Variants in ST6GALNAC4 observed in about 807,000 individuals in gnomAD.
ST6GALNAC4 encodes the protein ST6 N-acetylgalactosaminide alpha-2,6-sialyltransferase 4.
Under a neutral mutation model 30.4 loss-of-function variants are expected in ST6GALNAC4, and 24 were observed. The ratio of observed to expected loss-of-function variants is 0.79; its 90% CI spans 0.57 to 1.11. The LOEUF (loss-of-function observed/expected upper bound fraction) is 1.11. Ranked by LOEUF, ST6GALNAC4 falls within the 50% of genes most tolerant of loss-of-function variation. ST6GALNAC4 has a pLI of 0.00. For synonymous variants in ST6GALNAC4, 156 were observed against 179.7 expected (o/e 0.87, Z 1.05); for missense variants, 365 against 430.1 (o/e 0.85, Z 1.34).
intron 4 of ST6GALNAC4, chr9:127,910,382 G>A: frequency 1.8e-6 from 2 of 1,113,024 alleles, no homozygotes; most frequent in Non-Finnish European, 2.2e-6. Context: ...TAAGGGACCA[G>A]GCCTGGGGAG....
Position 127,912,497 on chromosome 9 carries a change from TTGTG to T in ST6GALNAC4, c.378_381del (p.His126GlnfsTer62). On this transcript the variant is annotated frameshift_variant, in exon 4 of 6. Coordinates refer to ENST00000335791, the MANE Select transcript of ST6GALNAC4 (RefSeq NM_175039.4). LOFTEE classifies it high-confidence loss of function. Reference sequence around the variant, plus strand: ...TAGTTGCGCAGCAGCAGCGGCACGCTTGTGTGTGAGACGACACGCAGGGTGCTGC... The same window carrying T: ...TAGTTGCGCAGCAGCAGCGGCACGCTTGTGAGACGACACGCAGGGTGCTGC... 1 of 1,613,926 alleles carries T rather than the reference TTGTG, an allele frequency of 6.2e-7. No homozygotes were observed. The highest frequency in any genetic ancestry group is 8.5e-7 in the Non-Finnish European group (1 of 1,179,898).
chr9:127,909,356 TC>T (rs1818756555), intron 5 of ST6GALNAC4, among the ~76,000 whole-genome samples: 2 of 148,418 alleles, frequency 1.3e-5, no homozygotes, highest in South Asian at 4.2e-4. Flanking sequence ...GCCACTGCAC[TC>T]CAGCCTGGGC....
rs768063268 is a variant in ST6GALNAC4 at position 127,908,535 on chromosome 9, G to C, written c.766C>G (p.Arg256Gly). 6.2e-7 allele frequency: 1 copy of C among 1,603,034 alleles called. No individual in the cohort carries two copies. The highest frequency in any genetic ancestry group is 1.7e-5 in the Admixed American group (1 of 59,678). Residue 256 changes from arginine (R) to glycine (G), a missense_variant, in exon 6 of 6, where the codon CGG becomes GGG. Transcript: ENST00000335791. ...AGGTACATCTGACACTCATCTAGCC[G>C]GCCCTTCTCAAAGTAGTGGTAAGGC... ...SVPYHYFEKG[R>G]LDECQMYLAH...
chr9:127,916,346 C>T, intron 2 of ST6GALNAC4, 62 bp downstream of exon 2: 2 of 1,611,368 alleles, frequency 1.2e-6, no homozygotes, highest in South Asian at 2.2e-5. Flanking sequence ...GGAGAGGCTG[C>T]TGAGCTGCTC....
At chr9:127,909,646 C>G (rs1057251670) in intron 5 of ST6GALNAC4, among the ~76,000 whole-genome samples, 2 of 151,770 alleles carry the variant, frequency 1.3e-5, no homozygotes, top group African/African-American at 4.8e-5. Context: ...GTTTCAACAA[C>G]CTTCCAAGTA....
chr9:127,910,150 G>A, intron 4 of ST6GALNAC4, 92 bp from the exon 5 acceptor site: 1 of 1,525,320 alleles, frequency 6.6e-7, no homozygotes, highest in Non-Finnish European at 8.8e-7. Context: ...TGCCAGCCCG[G>A]GGCTATGCAC....
intron 5 of ST6GALNAC4, among the ~76,000 whole-genome samples, 176 bp downstream of exon 5, chr9:127,909,775 G>A (rs988586381): frequency 1.3e-5 from 2 of 152,172 alleles, no homozygotes; most frequent in Non-Finnish European, 2.9e-5. Flanking sequence ...AAGGCAGCCT[G>A]TTTGACACTG....
intron 2 of ST6GALNAC4, 30 bp downstream of exon 2, chr9:127,916,378 T>C (rs747582460): frequency 1.9e-6 from 3 of 1,614,012 alleles, no homozygotes; most frequent in Non-Finnish European, 2.5e-6. Flanking sequence ...GCCTCTGCGT[T>C]CCCTGGAAGT....
chr9:127,912,388 C>A lies in ST6GALNAC4; in HGVS notation c.491G>T (p.Arg164Leu), dbSNP rs372659334. The change falls in exon 4 of 6, where the codon CGC becomes CTC. Residue 164 changes from arginine (R) to leucine (L), a missense_variant. Physicochemically the swap from Arg to Leu is moderately radical, Grantham distance 102. Coordinates refer to ENST00000335791, the MANE Select transcript of ST6GALNAC4 (RefSeq NM_175039.4). ...GAGCTGCAGCAGCGTGCGGTAGGTG[C>A]GGCCGCCGAGCACCCGGTCCATGTG... is the stretch of plus-strand genomic sequence containing the variant. Reference protein sequence around the residue: ...GRHMDRVLGGRTYRTLLQLTR... With the variant: ...GRHMDRVLGGLTYRTLLQLTR... 6.2e-7 allele frequency: 1 copy of A among 1,613,966 alleles called. No individual in the cohort carries two copies.
rs1229543761 is a variant in ST6GALNAC4 at position 127,908,094 on chromosome 9, C to T, written c.*298G>A. Reference sequence around the variant, plus strand: ...ATGATGCTGGTGAGTTGGGGGCCATCAGCCCCAGGGACAAAGGCCACTTGA... The same window carrying T: ...ATGATGCTGGTGAGTTGGGGGCCATTAGCCCCAGGGACAAAGGCCACTTGA... On this transcript the variant is annotated 3_prime_UTR_variant, in exon 6 of 6. Transcript: ENST00000335791. 1.6e-5 allele frequency: 3 copies of T among 191,096 alleles called. No homozygotes were observed. In the East Asian group the frequency reaches 3.5e-4, roughly 23 times the overall value. The allele number at this position is 191,096 out of a possible 1,614,324, so 11.8% of individuals were successfully genotyped here.
At chr9:127,909,917 C>A (rs762501466) in intron 5 of ST6GALNAC4, 34 bp downstream of exon 5, 2 of 1,601,426 alleles carry the variant, frequency 1.2e-6, no homozygotes, top group Non-Finnish European at 1.7e-6. Flanking sequence ...CAGTCCTCCC[C>A]GCGTCCCCGC....
intron 4 of ST6GALNAC4, chr9:127,910,417 T>G (rs1180391009): frequency 1.9e-6 from 2 of 1,060,952 alleles, no homozygotes; most frequent in Non-Finnish European, 1.1e-6. Context: ...CAGGGCACCG[T>G]GGTTTGAAGT....
intron 2 of ST6GALNAC4, 27 bp from the exon 3 acceptor site, chr9:127,914,868 G>C (rs1409915053): frequency 1.4e-6 from 2 of 1,442,002 alleles, no homozygotes; most frequent in South Asian, 3.0e-5. Context: ...CCATGGGGGG[G>C]TGTATGTGGG....
At chr9:127,912,234 CAG>C in intron 4 of ST6GALNAC4, 32 bp downstream of exon 4, 2 of 1,576,710 alleles carry the variant, frequency 1.3e-6, no homozygotes, top group Non-Finnish European at 1.7e-6. Context: ...CCCCAGCTGC[CAG>C]AGAGACCCCA....
At chr9:127,914,490 CAAAAAAAAA>C (rs60857050) in intron 3 of ST6GALNAC4, among the ~76,000 whole-genome samples, 157 bp downstream of exon 3, 3 of 50,120 alleles carry the variant, frequency 6.0e-5, no homozygotes, top group Admixed American at 3.9e-4. Context: ...GACTCCGTCT[CAAAAAAAAA>C]AAAAAAAAAA....
chr9:127,909,254 T>A (rs961015734), intron 5 of ST6GALNAC4, among the ~76,000 whole-genome samples: 9 of 151,904 alleles, frequency 5.9e-5, no homozygotes, highest in African/African-American at 2.2e-4. Context: ...CTGGGCGTGG[T>A]GGCACGTGCC....
intron 5 of ST6GALNAC4, 104 bp downstream of exon 5, chr9:127,909,847 C>T: frequency 1.7e-6 from 2 of 1,143,222 alleles, no homozygotes; most frequent in Non-Finnish European, 2.5e-6. Context: ...ACCATGAAGC[C>T]CACACTCCCT....
At chr9:127,909,684 C>A (rs1178915498) in intron 5 of ST6GALNAC4, among the ~76,000 whole-genome samples, 1 of 151,884 alleles carries the variant, frequency 6.6e-6, no homozygotes, top group African/African-American at 2.4e-5. Context: ...CTATTTTCCA[C>A]ATAAGGAAAC....
At chr9:127,909,874 C>A in intron 5 of ST6GALNAC4, 77 bp downstream of exon 5, 1 of 1,434,662 alleles carries the variant, frequency 7.0e-7, no homozygotes, top group South Asian at 1.2e-5. Flanking sequence ...CCACAGCTCC[C>A]AAATCCTCTG....
Sources: gnomAD v4.1 joint callset for allele counts (sites outside exome capture counted in the v4.1 genomes callset) on GRCh38, gnomAD v4.1.1 for gene constraint, MANE v1.5 for transcripts, NCBI Gene and HGNC (gene_info 2026-07-23, HGNC 2026-07-21) for gene names.